The following GRIP1 variants were observed in gnomAD, a reference collection of about 807,000 sequenced individuals.
The protein encoded by GRIP1 is glutamate receptor-interacting protein 1.
GRIP1 carries 45 observed loss-of-function variants against 129.9 expected under a neutral mutation model. The ratio of observed to expected loss-of-function variants is 0.35; its 90% CI spans 0.27 to 0.44. The LOEUF is 0.44. Among genes scored for constraint, GRIP1 ranks in the 20% least tolerant of loss-of-function variants. The pLI is 1.00. For missense variants in GRIP1, 1,196 were observed against 1,396.8 expected, an observed-to-expected ratio of 0.86 and a Z score of 2.29; for synonymous variants, 530 against 520.8, an observed-to-expected ratio of 1.02 and a Z score of -0.24.
chr12:66,853,582 T>C lies in GRIP1; in HGVS notation c.58+215468A>G, dbSNP rs182668645. On this transcript the variant is annotated intron_variant, in intron 1 of 1. Transcript: ENST00000643019. ...TAAATGTCAACCCCATTCTGAAGAA[T>C]CCAAGCTGCTCCCCAGCAGTTTGAA... 7.5e-3 allele frequency among the ~76,000 whole-genome samples: 1,147 copies of C among 152,154 alleles called. 19 individuals carry two copies. Among genetic ancestry groups the C allele is most frequent in the African/African-American group, 0.027 (1,104 of 41,542 alleles).
chr12:66,802,190 G>A (rs113352581), intron 1 of GRIP1, among the ~76,000 whole-genome samples: 337 of 152,164 alleles, frequency 2.2e-3, no homozygotes, highest in African/African-American at 7.7e-3. Context: ...AATCCCAAGT[G>A]CCTGAGTCCA....
chr12:66,749,230 T>C (rs1185065950), intron 1 of GRIP1, among the ~76,000 whole-genome samples: 1 of 152,210 alleles, frequency 6.6e-6, no homozygotes, highest in African/African-American at 2.4e-5. Context: ...CTCATTTTCA[T>C]AATTCCAAGG....
chr12:66,493,265 T>C (rs1343561470), intron 7 of GRIP1, among the ~76,000 whole-genome samples: 1 of 152,106 alleles, frequency 6.6e-6, no homozygotes, highest in Non-Finnish European at 1.5e-5. Context: ...TTTCTTTTAT[T>C]AGGGGGTTCA....
chr12:66,570,359 C>A (rs2062918894), intron 2 of GRIP1, among the ~76,000 whole-genome samples: 1 of 152,098 alleles, frequency 6.6e-6, no homozygotes, highest in South Asian at 2.1e-4. Flanking sequence ...TCAAGTGATC[C>A]CAGCCTCTGA....
intron 1 of GRIP1, among the ~76,000 whole-genome samples, chr12:66,597,623 T>C (rs758782691): frequency 1.1e-4 from 17 of 152,272 alleles, no homozygotes; most frequent in Middle Eastern, 3.4e-3. Flanking sequence ...TGCAGAATTA[T>C]TAAAAGAGCA....
intron 1 of GRIP1, among the ~76,000 whole-genome samples, chr12:66,598,341 G>A (rs1039917426): frequency 6.6e-5 from 10 of 152,122 alleles, no homozygotes; most frequent in African/African-American, 1.7e-4. Flanking sequence ...TAGAAGTCAC[G>A]CTGTTTCATG....
chr12:66,444,879 A>G, intron 12 of GRIP1, 150 bp from the exon 13 acceptor site: 2 of 771,460 alleles, frequency 2.6e-6, no homozygotes, highest in Admixed American at 4.0e-5. Flanking sequence ...GGTCAAATTC[A>G]ACGTCGTGTG....
intron 2 of GRIP1, among the ~76,000 whole-genome samples, chr12:66,554,561 C>T (rs1361745763): frequency 1.3e-5 from 2 of 152,090 alleles, no homozygotes; most frequent in Non-Finnish European, 2.9e-5. Context: ...CCAGTTTGGC[C>T]ACAGGGGAGT....
At chr12:66,363,420 A>T (rs558371551) in intron 23 of GRIP1, among the ~76,000 whole-genome samples, 2,054 of 137,288 alleles carry the variant, frequency 0.015, 44 homozygotes, top group African/African-American at 0.048. Flanking sequence ...TTTTTTTTTT[A>T]AATTATTTTT....
intron 14 of GRIP1, among the ~76,000 whole-genome samples, chr12:66,422,578 C>CTT (rs35111548): frequency 1.3e-5 from 2 of 151,854 alleles, no homozygotes; most frequent in South Asian, 2.1e-4. Context: ...TTTCCTTTGG[C>CTT]TTTTTTAAAA....
At chr12:66,357,250 G>A (rs2054536436) in intron 23 of GRIP1, among the ~76,000 whole-genome samples, 1 of 151,710 alleles carries the variant, frequency 6.6e-6, no homozygotes, top group Non-Finnish European at 1.5e-5. Flanking sequence ...TCTGTGTTAA[G>A]TCTGTTAAAT....
intron 19 of GRIP1, among the ~76,000 whole-genome samples, chr12:66,386,708 A>T (rs966118891): frequency 6.6e-6 from 1 of 152,246 alleles, no homozygotes; most frequent in African/African-American, 2.4e-5. Context: ...TCTTGCCATT[A>T]CTTTCATTCT....
chr12:66,778,398 G>T (rs989060245), intron 1 of GRIP1, among the ~76,000 whole-genome samples: 1 of 152,158 alleles, frequency 6.6e-6, no homozygotes, highest in African/African-American at 2.4e-5. Flanking sequence ...TCCTTTGCCA[G>T]TAAATGGGGA....
At chr12:66,819,199 CT>C (rs2039276647) in intron 1 of GRIP1, among the ~76,000 whole-genome samples, 1 of 152,120 alleles carries the variant, frequency 6.6e-6, no homozygotes, top group African/African-American at 2.4e-5. Flanking sequence ...ATTTCAAAAC[CT>C]TTTACTTTTG....
intron 7 of GRIP1, among the ~76,000 whole-genome samples, chr12:66,488,892 A>G (rs1478023219): frequency 4.6e-5 from 7 of 152,186 alleles, no homozygotes; most frequent in African/African-American, 1.7e-4. Context: ...AAATTCCTGG[A>G]TGCATACACC....
At chr12:66,838,528 C>T (rs899763978) in intron 1 of GRIP1, among the ~76,000 whole-genome samples, 1 of 152,130 alleles carries the variant, frequency 6.6e-6, no homozygotes, top group African/African-American at 2.4e-5. Context: ...AGCAGAGGCA[C>T]AACACGCTCA....
intron 7 of GRIP1, among the ~76,000 whole-genome samples, chr12:66,470,954 C>T (rs955472649): frequency 1.2e-4 from 19 of 152,158 alleles, no homozygotes; most frequent in African/African-American, 4.6e-4. Flanking sequence ...GTCAAGGGAC[C>T]AGTTTCAGTG....
intron 1 of GRIP1, among the ~76,000 whole-genome samples, chr12:67,048,988 C>A (rs1336501426): frequency 6.6e-6 from 1 of 152,002 alleles, no homozygotes; most frequent in Non-Finnish European, 1.5e-5. Context: ...CCACACCTGG[C>A]TAATTTTTTT....
intron 4 of GRIP1, among the ~76,000 whole-genome samples, chr12:66,533,539 G>A (rs191455402): frequency 2.6e-5 from 4 of 152,214 alleles, no homozygotes; most frequent in Non-Finnish European, 5.9e-5. Context: ...CAGCTACTCA[G>A]GAGGCTGAGG....
Sources: gnomAD v4.1 joint callset for allele counts (sites outside exome capture counted in the v4.1 genomes callset) on GRCh38, gnomAD v4.1.1 for gene constraint, MANE v1.5 for transcripts, NCBI Gene and HGNC (gene_info 2026-07-23, HGNC 2026-07-21) for gene names.